The following CADM2 variants were observed in gnomAD, a reference collection of about 807,000 sequenced individuals.
CADM2 encodes the protein cell adhesion molecule 2, also known as immunoglobulin superfamily member 4D.
A neutral mutation model predicts 49.8 loss-of-function variants in CADM2; 12 were observed. The ratio of observed to expected loss-of-function variants is 0.24; its 90% CI spans 0.15 to 0.39. The LOEUF is 0.39. CADM2 is among the 10% of genes least tolerant of loss of function. CADM2 has a pLI of 1.00. For synonymous variants in CADM2, 214 were observed against 175.4 expected, an observed-to-expected ratio of 1.22 and a Z score of -1.74; for missense variants, 378 against 492.3, an observed-to-expected ratio of 0.77 and a Z score of 2.20.
intron 7 of CADM2, among the ~76,000 whole-genome samples, chr3:85,960,327 TA>T: frequency 6.6e-6 from 1 of 152,022 alleles, no homozygotes; most frequent in African/African-American, 2.4e-5. Context: ...CACAATAACA[TA>T]AAATAAATTC....
chr3:85,440,832 A>C (rs997020094), intron 1 of CADM2, among the ~76,000 whole-genome samples: 6 of 152,098 alleles, frequency 3.9e-5, no homozygotes, highest in Non-Finnish European at 8.8e-5. Context: ...AAACACAAAA[A>C]TTAGCCGGGC....
chr3:85,124,452 T>A (rs2038963235), intron 1 of CADM2, among the ~76,000 whole-genome samples: 1 of 151,992 alleles, frequency 6.6e-6, no homozygotes, highest in Non-Finnish European at 1.5e-5. Flanking sequence ...ATTTTTTTTT[T>A]TAATTAGCTG....
intron 1 of CADM2, among the ~76,000 whole-genome samples, chr3:85,027,114 T>TC (rs1559623813): frequency 6.8e-5 from 8 of 117,962 alleles, no homozygotes; most frequent in African/African-American, 3.1e-4. Context: ...TTTTCCTTTT[T>TC]TTTTTTTTTT....
At chr3:86,042,948 C>G (rs925679236) in intron 8 of CADM2, among the ~76,000 whole-genome samples, 2 of 152,124 alleles carry the variant, frequency 1.3e-5, no homozygotes, top group Non-Finnish European at 2.9e-5. Context: ...TAAATCTAAT[C>G]CAGCATATAA....
intron 1 of CADM2, among the ~76,000 whole-genome samples, chr3:85,582,968 A>C (rs889779510): frequency 2.0e-5 from 3 of 152,242 alleles, no homozygotes; most frequent in African/African-American, 4.8e-5. Flanking sequence ...TACCTACCCC[A>C]AAAAAGAAAA....
At chr3:85,201,785 A>T (rs2041508876) in intron 1 of CADM2, among the ~76,000 whole-genome samples, 1 of 152,118 alleles carries the variant, frequency 6.6e-6, no homozygotes, top group African/African-American at 2.4e-5. Context: ...GCTCATGTAT[A>T]AGAAGCAACT....
At chr3:85,110,826 G>A (rs1405355924) in intron 1 of CADM2, among the ~76,000 whole-genome samples, 1 of 151,764 alleles carries the variant, frequency 6.6e-6, no homozygotes, top group Non-Finnish European at 1.5e-5. Flanking sequence ...GAAGAAGGAA[G>A]GATCTCAGCG....
chr3:86,061,589 T>A (rs1408567804), intron 8 of CADM2, among the ~76,000 whole-genome samples: 2 of 152,138 alleles, frequency 1.3e-5, no homozygotes, highest in African/African-American at 4.8e-5. Flanking sequence ...TATAATCTTA[T>A]TGCAAAAGTG....
chr3:85,704,349 C>G (rs553903596), intron 1 of CADM2, among the ~76,000 whole-genome samples: 160 of 152,262 alleles, frequency 1.1e-3, no homozygotes, highest in Admixed American at 2.3e-3. Flanking sequence ...TGTCTTAGCT[C>G]AGGCTGCTGT....
intron 1 of CADM2, among the ~76,000 whole-genome samples, chr3:85,308,303 A>T (rs1199895958): frequency 7.2e-6 from 1 of 138,442 alleles, no homozygotes; most frequent in Non-Finnish European, 1.5e-5. Context: ...ATCTATATCT[A>T]CCTCTCTACA....
At chr3:85,189,621 A>G (rs986060306) in intron 1 of CADM2, among the ~76,000 whole-genome samples, 3 of 152,210 alleles carry the variant, frequency 2.0e-5, no homozygotes, top group Non-Finnish European at 4.4e-5. Flanking sequence ...TTACGCCAAG[A>G]TACAATAAAT....
intron 1 of CADM2, among the ~76,000 whole-genome samples, chr3:85,594,487 C>G (rs1487758339): frequency 6.6e-6 from 1 of 151,734 alleles, no homozygotes; most frequent in East Asian, 1.9e-4. Flanking sequence ...CCTAAAGTAA[C>G]TGGCAGAGAT....
chr3:86,056,679 C>G (rs542843352), intron 8 of CADM2, among the ~76,000 whole-genome samples: 1 of 152,274 alleles, frequency 6.6e-6, no homozygotes, highest in South Asian at 2.1e-4. Flanking sequence ...AATCACATTG[C>G]ACTTACTGAA....
intron 2 of CADM2, among the ~76,000 whole-genome samples, chr3:85,740,340 C>T (rs1015131223): frequency 2.6e-5 from 4 of 152,128 alleles, no homozygotes; most frequent in African/African-American, 9.7e-5. Context: ...CTTGGTCCAA[C>T]AGCTTCAGTA....
intron 3 of CADM2, among the ~76,000 whole-genome samples, chr3:85,856,186 T>G (rs2075310727): frequency 6.6e-6 from 1 of 152,206 alleles, no homozygotes; most frequent in Non-Finnish European, 1.5e-5. Flanking sequence ...TTTATTCTAC[T>G]GTATAACTTA....
intron 1 of CADM2, among the ~76,000 whole-genome samples, chr3:85,604,913 G>A (rs905346963): frequency 1.3e-5 from 2 of 151,946 alleles, no homozygotes; most frequent in African/African-American, 4.8e-5. Flanking sequence ...CTTCATGGAA[G>A]CTTGCCTTAA....
At chr3:85,086,037 CT>C (rs972350012) in intron 1 of CADM2, among the ~76,000 whole-genome samples, 1 of 152,044 alleles carries the variant, frequency 6.6e-6, no homozygotes, top group African/African-American at 2.4e-5. Context: ...AGGACAAAAA[CT>C]TTTTTTATTT....
At chr3:85,467,591 A>T (rs1472607246) in intron 1 of CADM2, among the ~76,000 whole-genome samples, 1 of 151,580 alleles carries the variant, frequency 6.6e-6, no homozygotes, top group African/African-American at 2.4e-5. Context: ...ACTACAGGAC[A>T]TAAAAATTAA....
At chr3:85,987,291 T>C (rs1422335404) in intron 8 of CADM2, among the ~76,000 whole-genome samples, 1 of 152,022 alleles carries the variant, frequency 6.6e-6, no homozygotes, top group Non-Finnish European at 1.5e-5. Flanking sequence ...AAACATTTTT[T>C]AAAGTTTCAT....
Sources: allele counts gnomAD v4.1 joint callset (sites outside exome capture counted in the v4.1 genomes callset), GRCh38; gene constraint gnomAD v4.1.1; transcripts MANE v1.5; gene names NCBI Gene and HGNC (gene_info 2026-07-23, HGNC 2026-07-21).